Variants in FBXW5 observed in about 807,000 individuals in gnomAD.
The protein encoded by FBXW5 is F-box and WD repeat domain containing 5.
A neutral mutation model predicts 50.9 loss-of-function variants in FBXW5; 74 were observed. The ratio of observed to expected loss-of-function variants is 1.45; its 90% CI spans 1.20 to 1.76. The LOEUF is 1.76. FBXW5 is among the 40% of genes most tolerant of loss of function. The pLI is 0.00. For synonymous variants in FBXW5, 523 were observed against 362.2 expected, an observed-to-expected ratio of 1.44 and a Z score of -5.04; for missense variants, 1,073 against 818.8, an observed-to-expected ratio of 1.31 and a Z score of -3.79.
Position 136,941,333 on chromosome 9 carries a change from C to A in FBXW5, c.1375G>T (p.Ala459Ser). ...GTGTAGGCGCGGTGCGCACGCAGAG[C>A]CCGCCTCACCTCCCGCATGGTCTTG... ...DLKTMREVRR[A>S]LRAHRAYTPN... is the part of the protein sequence containing the mutation. Residue 459 changes from alanine (A) to serine (S), a missense_variant, in exon 8 of 9, where the codon GCT becomes TCT. Physicochemically the swap from Ala to Ser is moderately conservative, Grantham distance 99. Transcript: ENST00000325285. 1 of 1,611,058 alleles carries A rather than the reference C, an allele frequency of 6.2e-7. No individual in the cohort carries two copies.
Position 136,943,415 on chromosome 9 carries a change from G to A in FBXW5, c.285C>T (p.Val95=), listed in dbSNP as rs369341027. Residue 95 remains valine, a synonymous_variant, in exon 3 of 9, where the codon GTC becomes GTT. Coordinates refer to ENST00000325285, the MANE Select transcript of FBXW5 (RefSeq NM_018998.4). ...VQTLREHTDQ[V]LHLSFSHSGY... Reference sequence around the variant, plus strand: ...CGGAATGGGAGAAGCTGAGGTGCAGGACCTGGTCTGTGTGTTCCCGCAGCG... The same window carrying A: ...CGGAATGGGAGAAGCTGAGGTGCAGAACCTGGTCTGTGTGTTCCCGCAGCG... 10 of 1,612,800 alleles carry A rather than the reference G, an allele frequency of 6.2e-6. No homozygotes were observed. In the African/African-American group the frequency reaches 1.1e-4, roughly 17 times the overall value.
rs1227945524 is a variant in FBXW5, at chr9:136,940,563, C to T, written c.*365G>A. 2 of 295,554 alleles carry T rather than the reference C, an allele frequency of 6.8e-6. No individual in the cohort carries two copies. The highest frequency in any genetic ancestry group is 7.6e-5 in the East Asian group (1 of 13,124). The allele number at this position is 295,554 out of a possible 1,614,324, so 18.3% of individuals were successfully genotyped here. Reference sequence around the variant, plus strand: ...GCACAACCACAGCCAGGAGCAGCCCCTGCCACCACTGGGCCACCGTCCAGG... The same window carrying T: ...GCACAACCACAGCCAGGAGCAGCCCTTGCCACCACTGGGCCACCGTCCAGG... On this transcript the variant is annotated 3_prime_UTR_variant, in exon 9 of 9. Coordinates refer to ENST00000325285, the MANE Select transcript of FBXW5 (RefSeq NM_018998.4).
chr9:136,943,546 C>A (rs199680044), intron 2 of FBXW5, 40 bp from the exon 3 acceptor site: 107 of 1,577,182 alleles, frequency 6.8e-5, no homozygotes, highest in Middle Eastern at 5.4e-4. Context: ...CCGGGCCTTC[C>A]TCGCAGTCAC....
chr9:136,942,391 T>C lies in FBXW5; in HGVS notation c.751A>G (p.Thr251Ala), dbSNP rs1264926854. 2 of 1,611,248 alleles carry C rather than the reference T, an allele frequency of 1.2e-6. No homozygotes were observed. Among genetic ancestry groups the C allele is most frequent in the Non-Finnish European group, 1.7e-6 (2 of 1,178,896 alleles). Residue 251 changes from threonine to alanine, a missense_variant, in exon 6 of 9, where the codon ACG (threonine) becomes GCG (alanine). Physicochemically the swap from Thr to Ala is moderately conservative, Grantham distance 58. Coordinates refer to ENST00000325285, the MANE Select transcript of FBXW5 (RefSeq NM_018998.4). ...CGGCTGCAGTCGGCCACCATCACCG[T>C]GCGGACGGTGCTGGCATTGAGGTTC... is the stretch of plus-strand genomic sequence containing the variant. Reference protein sequence around the residue: ...IQNLNASTVRTVMVADCSRFD... With the variant: ...IQNLNASTVRAVMVADCSRFD...
chr9:136,942,454 C>CT lies in FBXW5; in HGVS notation c.687dup (p.Glu230ArgfsTer35), dbSNP rs778883774. ...AGCCGCTTCACCACGTTGACGTTCT[C>CT]TGACTCCACATCCTGGGGGCGGGGG... On this transcript the variant is annotated frameshift_variant, in exon 6 of 9. Transcript: ENST00000325285. LOFTEE classifies it high-confidence loss of function. The CT allele has an allele frequency of 6.2e-7, 1 of 1,600,002 alleles. No homozygotes were observed. The highest frequency in any genetic ancestry group is 1.1e-5 in the South Asian group (1 of 90,632).
rs897991516 is a variant in FBXW5, at chr9:136,940,873, A to G, written c.*55T>C. ...CCTCTCCCGCTCGGGAAAAAGCCAC[A>G]GAGCCTGGCGATGTCCTCAAGGGGT... is the stretch of plus-strand genomic sequence containing the variant. On this transcript the variant is annotated 3_prime_UTR_variant, in exon 9 of 9. Coordinates refer to ENST00000325285, the MANE Select transcript of FBXW5 (RefSeq NM_018998.4). 25 of 1,538,112 alleles carry G rather than the reference A, an allele frequency of 1.6e-5. No individual in the cohort carries two copies. Among genetic ancestry groups the G allele is most frequent in the Non-Finnish European group, 2.2e-5 (25 of 1,143,562 alleles).
At chr9:136,941,985 C>A in intron 6 of FBXW5, 61 bp downstream of exon 6, 1 of 1,517,516 alleles carries the variant, frequency 6.6e-7, no homozygotes, top group South Asian at 1.3e-5. Flanking sequence ...CCTCAGGACC[C>A]CTGCCCGGCC....
intron 1 of FBXW5, 45 bp downstream of exon 1, chr9:136,944,549 C>T (rs929127933): frequency 3.0e-6 from 3 of 983,632 alleles, no homozygotes; most frequent in Non-Finnish European, 2.4e-6. Flanking sequence ...CCAAGGCGGG[C>T]GGGGACGACA....
rs1422040976 is a variant in FBXW5 at position 136,943,892 on chromosome 9, T to C, written c.192A>G (p.Pro64=). Residue 64 remains proline, a splice_region_variant and synonymous_variant, in exon 2 of 9, where the codon CCA becomes CCG. Transcript: ENST00000325285. ...YQVARDVPRH[P]AAMSWYEEFQ... ...GTAGGGGCCCCACACGCCACTGACC[T>C]GGGTGTCGGGGCACGTCGCGGGCCA... 1 of 1,549,754 alleles carries C rather than the reference T, an allele frequency of 6.5e-7. No individual in the cohort carries two copies. Among genetic ancestry groups the C allele is most frequent in the Non-Finnish European group, 8.7e-7 (1 of 1,146,734 alleles).
intron 1 of FBXW5, 194 bp from the exon 2 acceptor site, chr9:136,944,300 G>T: frequency 1.5e-6 from 1 of 659,568 alleles, no homozygotes; most frequent in Non-Finnish European, 2.2e-6. Flanking sequence ...TCTCCGCCGC[G>T]TCATCCCCCG....
rs377761216 is a variant in FBXW5, at chr9:136,941,182, G to A, written c.1458-11C>T. 2.2e-5 allele frequency: 35 copies of A among 1,600,270 alleles called. No individual in the cohort carries two copies. Among genetic ancestry groups the A allele is most frequent in the Admixed American group, 5.1e-5 (3 of 59,026 alleles). Reference sequence around the variant, plus strand: ...CGGTCCTCCGCCCCGCTGCAGAACAGCGCCTGGGTGAGCCGGCCGCCCGCC... The same window carrying A: ...CGGTCCTCCGCCCCGCTGCAGAACAACGCCTGGGTGAGCCGGCCGCCCGCC... On this transcript the variant is annotated splice_polypyrimidine_tract_variant and intron_variant, in intron 8 of 8. Coordinates refer to ENST00000325285, the MANE Select transcript of FBXW5 (RefSeq NM_018998.4).
rs967446331 is a variant in FBXW5 at position 136,943,256 on chromosome 9, C to A, written c.351+93G>T. Reference sequence around the variant, plus strand: ...CACCTCTGGCCTGACCCACCCCCCCCCCCACCACCACCTGGTTGGAACGCC... The same window carrying A: ...CACCTCTGGCCTGACCCACCCCCCCACCCACCACCACCTGGTTGGAACGCC... On this transcript the variant is annotated intron_variant, in intron 3 of 8. Transcript: ENST00000325285. 23 of 1,267,794 alleles carry A rather than the reference C, an allele frequency of 1.8e-5. No individual in the cohort carries two copies. The African/African-American group carries it at 2.3e-4, about 13-fold the overall frequency. 78.5% of individuals were successfully genotyped at this position (1,267,794 alleles called of 1,614,324 possible). A position where few individuals can be genotyped will look rare whatever the true frequency, so the allele number is the denominator to read the frequency against.
At chr9:136,943,776 G>A in intron 2 of FBXW5, 115 bp downstream of exon 2, 5 of 1,218,202 alleles carry the variant, frequency 4.1e-6, no homozygotes, top group Non-Finnish European at 5.7e-6. Context: ...GGTGTGGGGG[G>A]GTGAGCATGG....
intron 2 of FBXW5, 94 bp downstream of exon 2, chr9:136,943,797 C>T: frequency 1.5e-6 from 2 of 1,364,494 alleles, no homozygotes; most frequent in Non-Finnish European, 2.0e-6. Flanking sequence ...ACACGCGGGG[C>T]CGCGGGGCGG....
chr9:136,943,638 G>A (rs545862264), intron 2 of FBXW5, 132 bp from the exon 3 acceptor site: 14 of 1,282,674 alleles, frequency 1.1e-5, no homozygotes, highest in Non-Finnish European at 1.4e-5. Flanking sequence ...CATAGGCCTC[G>A]GCTGGGGGAT....
chr9:136,943,630 T>C (rs1850900126), intron 2 of FBXW5, 124 bp from the exon 3 acceptor site: 3 of 1,334,810 alleles, frequency 2.2e-6, no homozygotes, highest in Admixed American at 2.3e-5. Flanking sequence ...AGTCATGGCA[T>C]AGGCCTCGGC....
chr9:136,941,989 C>A, intron 6 of FBXW5, 57 bp downstream of exon 6: 1 of 1,524,866 alleles, frequency 6.6e-7, no homozygotes, highest in Non-Finnish European at 8.8e-7. Context: ...AGGACCCCTG[C>A]CCGGCCTCCC....
rs747958404 is a variant in FBXW5 at position 136,942,313 on chromosome 9, A to C, written c.829T>G (p.Cys277Gly). The C allele has an allele frequency of 1.1e-5, 17 of 1,598,246 alleles. No individual in the cohort carries two copies. The highest frequency in any genetic ancestry group is 1.2e-5 in the Non-Finnish European group (14 of 1,173,490). Residue 277 changes from cysteine to glycine, a missense_variant, in exon 6 of 9, where the codon TGC becomes GGC. By Grantham distance (159) the Cys-to-Gly change is radical (BLOSUM62 -3). Transcript: ENST00000325285. The part of the protein sequence containing the change: ...LEAGDPATSP[C>G]RIFDLGSDNE... ...TCGCTGCCCAGGTCAAAGATGCGGCAGGGGGACGTGGCCGGGTCACCGGCT... is the reference window on the plus strand; with the variant it reads ...TCGCTGCCCAGGTCAAAGATGCGGCCGGGGGACGTGGCCGGGTCACCGGCT...
chr9:136,941,011 AGCGCCAGGCTTTGATG>A lies in FBXW5; in HGVS notation c.1602_1617del (p.Ile535ProfsTer64). On this transcript the variant is annotated frameshift_variant, in exon 9 of 9. Coordinates refer to ENST00000325285, the MANE Select transcript of FBXW5 (RefSeq NM_018998.4). LOFTEE classifies it high-confidence loss of function. ...TGGAGGACGCGCATGGTGCGTGGGG[AGCGCCAGGCTTTGATG>A]GTGGCGTCGTCGCTGGCCGTGAGCA... The A allele has an allele frequency of 6.4e-7, 1 of 1,553,916 alleles. No individual in the cohort carries two copies. Among genetic ancestry groups the A allele is most frequent in the Non-Finnish European group, 8.7e-7 (1 of 1,148,604 alleles).
Sources: gnomAD v4.1 joint callset for allele counts on GRCh38, gnomAD v4.1.1 for gene constraint, MANE v1.5 for transcripts, NCBI Gene and HGNC (gene_info 2026-07-23, HGNC 2026-07-21) for gene names.